Variants in TVP23A observed in about 807,000 individuals in gnomAD.
TVP23A encodes the protein trans-golgi network vesicle protein 23 homolog A.
Under a neutral mutation model 31.7 loss-of-function variants are expected in TVP23A, and 21 were observed. That is an observed-to-expected ratio of 0.66 (90% CI 0.47 to 0.95). The LOEUF (loss-of-function observed/expected upper bound fraction) is 0.95, where lower values mean the gene tolerates loss of function less well. Among genes scored for constraint, TVP23A ranks in the 40% least tolerant of loss-of-function variants. TVP23A has a pLI of 0.00. For synonymous variants in TVP23A, 104 were observed against 96.0 expected (o/e 1.08, Z -0.49); for missense variants, 279 against 255.6 (o/e 1.09, Z -0.62).
intron 2 of TVP23A, among the ~76,000 whole-genome samples, chr16:10,817,617 T>C (rs2034500401): frequency 1.3e-5 from 2 of 152,214 alleles, no homozygotes; most frequent in South Asian, 4.1e-4. Context: ...TCCAGCCCAC[T>C]GCCAAGCTTG....
chr16:10,789,980 C>A (rs571091088), intron 2 of TVP23A, among the ~76,000 whole-genome samples: 1 of 152,220 alleles, frequency 6.6e-6, no homozygotes, highest in African/African-American at 2.4e-5. Flanking sequence ...TTGGTTGAGT[C>A]TAAAGACCTG....
At chr16:10,782,186 A>G (rs936088447) in intron 2 of TVP23A, among the ~76,000 whole-genome samples, 6 of 152,068 alleles carry the variant, frequency 3.9e-5, no homozygotes, top group African/African-American at 1.4e-4. Context: ...TCCCACACTC[A>G]GCTGTCATCA....
rs553416754 is a variant in TVP23A, at chr16:10,771,670, C to T, written c.582G>A (p.Thr194=). The change falls in exon 6 of 8, where the codon ACG becomes ACA. Residue 194 remains threonine, a splice_region_variant and synonymous_variant. Transcript: ENST00000299866. ...ASFLSQTVFQ[T]ACPGDFQKPG... Reference sequence around the variant, plus strand: ...CAAGAGTCAGACCTCAGTTACTCACCGTCTGGAACACTGTCTGGGACAGGA... The same window carrying T: ...CAAGAGTCAGACCTCAGTTACTCACTGTCTGGAACACTGTCTGGGACAGGA... The T allele has an allele frequency of 6.3e-5, 101 of 1,613,850 alleles. No homozygotes were observed. In the Middle Eastern group the frequency reaches 8.2e-4, roughly 13 times the overall value.
intron 2 of TVP23A, among the ~76,000 whole-genome samples, chr16:10,795,547 G>T (rs1429201822): frequency 1.3e-5 from 2 of 151,942 alleles, no homozygotes; most frequent in Admixed American, 6.6e-5. Flanking sequence ...CACTGTGCCC[G>T]GCCTATCTGA....
Position 10,766,970 on chromosome 16 carries a change from T to TC in TVP23A, c.*2131dup. 2.5e-6 allele frequency: 1 copy of TC among 398,674 alleles called. No individual in the cohort carries two copies. The highest frequency in any genetic ancestry group is 3.6e-5 in the East Asian group (1 of 28,074). The allele number at this position is 398,674 out of a possible 1,614,324, so 24.7% of individuals were successfully genotyped here. ...CTCACTGGGCCATATGGGCTCCCCATCTCCCACCAACCCCTCCCCACAGGC... is the reference window on the plus strand; with the variant it reads ...CTCACTGGGCCATATGGGCTCCCCATCCTCCCACCAACCCCTCCCCACAGGC... On this transcript the variant is annotated 3_prime_UTR_variant, in exon 8 of 8. Coordinates refer to ENST00000299866, the MANE Select transcript of TVP23A (RefSeq NM_001079512.4). The surrounding 1 kb of genome is among the most constrained non-coding windows in gnomAD (Gnocchi z 4.8).
intron 2 of TVP23A, among the ~76,000 whole-genome samples, chr16:10,809,504 T>C (rs1270354754): frequency 6.6e-6 from 1 of 152,238 alleles, no homozygotes; most frequent in Admixed American, 6.5e-5. Flanking sequence ...AGGTAACCCA[T>C]AGTGCTTTGG....
At chr16:10,761,840 G>T (rs775429854), downstream of TVP23A, 7 of 1,614,000 alleles carry the variant, frequency 4.3e-6, no homozygotes, top group Non-Finnish European at 4.2e-6. Context: ...TCGGCAGAGT[G>T]CCCCTGGATC....
downstream of TVP23A, among the ~76,000 whole-genome samples, chr16:10,760,420 G>C (rs1386642037): frequency 6.6e-6 from 1 of 152,228 alleles, no homozygotes; most frequent in Non-Finnish European, 1.5e-5. Flanking sequence ...ATATAGTATA[G>C]TATAGGGACA....
At chr16:10,769,332 AT>A in intron 7 of TVP23A, 1 of 468,300 alleles carries the variant, frequency 2.1e-6, no homozygotes, top group African/African-American at 2.0e-5. Flanking sequence ...CGTTTTAAGA[AT>A]AAAACCCCCT....
At chr16:10,759,002 C>T (rs1360691386), downstream of TVP23A, among the ~76,000 whole-genome samples, 3 of 152,182 alleles carry the variant, frequency 2.0e-5, no homozygotes, top group South Asian at 2.1e-4. This position sits in a 1 kb window ranked among gnomAD's most constrained non-coding sequence, Gnocchi z 4.7. Flanking sequence ...GGCTCTTCTC[C>T]ATCTCCACAG....
chr16:10,772,141 C>T (rs925674419), intron 5 of TVP23A, among the ~76,000 whole-genome samples: 19 of 152,198 alleles, frequency 1.2e-4, no homozygotes, highest in African/African-American at 3.9e-4. Flanking sequence ...TAACAGCCAA[C>T]ATTTACTGAG....
chr16:10,806,645 G>T (rs995659878), intron 2 of TVP23A, among the ~76,000 whole-genome samples: 1 of 152,126 alleles, frequency 6.6e-6, no homozygotes, highest in Non-Finnish European at 1.5e-5. Flanking sequence ...GGGATTACAG[G>T]CGCCTGCCAT....
At chr16:10,803,133 A>G (rs2033780371) in intron 2 of TVP23A, among the ~76,000 whole-genome samples, 1 of 152,030 alleles carries the variant, frequency 6.6e-6, no homozygotes, top group South Asian at 2.1e-4. Flanking sequence ...AAAATACAAA[A>G]ATTAGCTGGG....
chr16:10,764,848 T>TCA (rs58740091), downstream of TVP23A, among the ~76,000 whole-genome samples: 1,552 of 29,190 alleles, frequency 0.053, 160 homozygotes, highest in South Asian at 0.11. Flanking sequence ...TTGGAGCATC[T>TCA]GTCTGCTGGA....
chr16:10,776,447 G>A (rs1596503684), intron 2 of TVP23A, among the ~76,000 whole-genome samples: 1 of 152,194 alleles, frequency 6.6e-6, no homozygotes, highest in Non-Finnish European at 1.5e-5. Context: ...GGTGATGGCA[G>A]TGGGTGATGT....
chr16:10,771,319 C>T (rs2031601785), intron 6 of TVP23A, among the ~76,000 whole-genome samples: 1 of 152,044 alleles, frequency 6.6e-6, no homozygotes, highest in African/African-American at 2.4e-5. Flanking sequence ...GGCAGGCGGG[C>T]TGCTTGAGCT....
rs114282347 is a variant in TVP23A at position 10,818,770 on chromosome 16, T to C, written c.-277A>G. ...GCAGGGAGGCAACGGCCTGGGGAAC[T>C]GCGGACAGAGATAGTGGGAGGAATG... On this transcript the variant is annotated 5_prime_UTR_variant, in exon 1 of 8. Coordinates refer to ENST00000299866, the MANE Select transcript of TVP23A (RefSeq NM_001079512.4). This position sits in a 1 kb window ranked among gnomAD's most constrained non-coding sequence, Gnocchi z 4.7. The C allele has an allele frequency of 0.012, 5,581 of 472,290 alleles. 293 individuals carry two copies. The highest frequency in any genetic ancestry group is 0.11 in the African/African-American group (5,116 of 47,722). The allele number at this position is 472,290 out of a possible 1,614,324, so 29.3% of individuals were successfully genotyped here. A position where few individuals can be genotyped will look rare whatever the true frequency, so the allele number is the denominator to read the frequency against.
chr16:10,758,315 A>T (rs1163949676), downstream of TVP23A, among the ~76,000 whole-genome samples: 1 of 152,076 alleles, frequency 6.6e-6, no homozygotes, highest in Non-Finnish European at 1.5e-5. Flanking sequence ...TACAAAAAAT[A>T]TTTTAAAATT....
At chr16:10,771,017 G>C (rs1387529308) in intron 6 of TVP23A, among the ~76,000 whole-genome samples, 1 of 152,036 alleles carries the variant, frequency 6.6e-6, no homozygotes, top group Non-Finnish European at 1.5e-5. Flanking sequence ...CCCTAGGGCT[G>C]TCAAACCAAT....
Sources: allele counts gnomAD v4.1 joint callset (sites outside exome capture counted in the v4.1 genomes callset), GRCh38; gene constraint gnomAD v4.1.1; non-coding constraint Gnocchi (gnomAD v3.1); transcripts MANE v1.5; gene names NCBI Gene and HGNC (gene_info 2026-07-23, HGNC 2026-07-21).